Variants in CCDC40 observed in about 807,000 individuals in gnomAD.
CCDC40 encodes the protein coiled-coil domain 40 molecular ruler complex subunit, also known as coiled-coil domain-containing protein 40.
A neutral mutation model predicts 124.5 loss-of-function variants in CCDC40; 104 were observed. The observed-to-expected ratio is 0.84, with a 90% confidence interval of 0.71 to 0.98. The LOEUF (loss-of-function observed/expected upper bound fraction) is 0.98. Among genes scored for constraint, CCDC40 ranks in the 50% least tolerant of loss-of-function variants. The probability of loss-of-function intolerance (pLI) is 0.00; values close to 1 mark genes in which losing one functional copy is unlikely to be tolerated. For missense variants in CCDC40, 1,463 were observed against 1,503.9 expected (o/e 0.97, Z 0.45); for synonymous variants, 580 against 602.9 (o/e 0.96, Z 0.56).
At chr17:80,080,671 C>G (rs1159783220) in intron 10 of CCDC40, among the ~76,000 whole-genome samples, 1 of 152,196 alleles carries the variant, frequency 6.6e-6, no homozygotes, top group African/African-American at 2.4e-5. Flanking sequence ...ATGAGAACCC[C>G]TAGCCCAACG....
chr17:80,090,928 C>T (rs375127206), intron 17 of CCDC40: 3 of 582,944 alleles, frequency 5.1e-6, no homozygotes, highest in Non-Finnish European at 4.6e-6. Flanking sequence ...ACAGAAGCCA[C>T]ATGTATTTGC....
intron 17 of CCDC40, chr17:80,090,764 A>G: frequency 7.3e-7 from 1 of 1,361,726 alleles, no homozygotes; most frequent in South Asian, 1.6e-5. Flanking sequence ...GGCCTTAAGG[A>G]TAACAGTAAG....
In CCDC40 at chr17:80,067,552, C is replaced by G. The variant is rs766523401; in HGVS notation, c.1562+1946C>G. On this transcript the variant is annotated intron_variant, in intron 10 of 19. Transcript: ENST00000397545. ...AGTCAAAATATAAACACCGCTCGTT[C>G]CCGCCTTTCTACCACATGGCATTCC... 1.8e-5 allele frequency: 27 copies of G among 1,526,854 alleles called. 1 individual carries two copies. In the South Asian group the frequency reaches 3.1e-4, roughly 18 times the overall value. 94.6% of individuals were successfully genotyped at this position (1,526,854 alleles called of 1,614,324 possible). A position where few individuals can be genotyped will look rare whatever the true frequency, so the allele number is the denominator to read the frequency against.
At chr17:80,094,800 T>A (rs1598553074) in intron 17 of CCDC40, among the ~76,000 whole-genome samples, 2 of 152,112 alleles carry the variant, frequency 1.3e-5, no homozygotes, top group South Asian at 4.2e-4. Flanking sequence ...TCCAGAAAGT[T>A]CCTGTGCACC....
At chr17:80,075,030 C>T (rs2038278563) in intron 10 of CCDC40, among the ~76,000 whole-genome samples, 1 of 152,020 alleles carries the variant, frequency 6.6e-6, no homozygotes, top group African/African-American at 2.4e-5. Flanking sequence ...TCCAGTAATT[C>T]TCTTGCCTCA....
chr17:80,067,433 C>T, intron 10 of CCDC40: 1 of 686,638 alleles, frequency 1.5e-6, no homozygotes, highest in East Asian at 2.7e-5. Flanking sequence ...CGGAGTCTTC[C>T]TTCCCTCTCT....
chr17:80,039,213 A>G (rs2037207799), intron 2 of CCDC40, among the ~76,000 whole-genome samples: 1 of 151,914 alleles, frequency 6.6e-6, no homozygotes, highest in Non-Finnish European at 1.5e-5. Flanking sequence ...CTAAAAATGG[A>G]AAAATTAACT....
At chr17:80,085,028 G>A in intron 13 of CCDC40, 40 bp downstream of exon 13, 1 of 1,607,946 alleles carries the variant, frequency 6.2e-7, no homozygotes, top group Non-Finnish European at 8.5e-7. Flanking sequence ...CCGGCTGACT[G>A]TGGTGCCTGG....
At chr17:80,055,490 G>GA (rs1198660355) in intron 7 of CCDC40, among the ~76,000 whole-genome samples, 3 of 151,548 alleles carry the variant, frequency 2.0e-5, no homozygotes, top group South Asian at 2.1e-4. Flanking sequence ...GAGCCTGTCT[G>GA]AAAAAAAACA....
intron 19 of CCDC40, 115 bp from the exon 20 acceptor site, chr17:80,099,412 A>C: frequency 8.1e-7 from 1 of 1,237,090 alleles, no homozygotes; most frequent in Non-Finnish European, 1.2e-6. Flanking sequence ...GTCCCTTTTC[A>C]GGCGTAGGTC....
chr17:80,041,400 C>T (rs1192686334), intron 3 of CCDC40, among the ~76,000 whole-genome samples: 1 of 151,724 alleles, frequency 6.6e-6, no homozygotes, highest in Non-Finnish European at 1.5e-5. Flanking sequence ...CCCAGCTACT[C>T]GGGAGGCTGA....
chr17:80,040,249 T>C lies in CCDC40; in HGVS notation c.531T>C (p.Ser177=), dbSNP rs763418579. 4 of 1,613,740 alleles carry C rather than the reference T, an allele frequency of 2.5e-6. No individual in the cohort carries two copies. The highest frequency in any genetic ancestry group is 1.7e-6 in the Non-Finnish European group (2 of 1,179,960). The change falls in exon 3 of 20, where the codon TCT becomes TCC. Residue 177 remains serine, a synonymous_variant. Transcript: ENST00000397545. ...CGGAGCAAATGGGCCAGGTCACCTC[T>C]GGGCCAGCAGTGGGCAGATTGGTGA... is the stretch of plus-strand genomic sequence containing the variant. ...GPSEQMGQVT[S]GPAVGRLTGS... is the part of the protein sequence containing the mutation.
rs1262463030 is a variant in CCDC40, at chr17:80,056,004, A to ATTTTTT, written c.1160-2489_1160-2488insTTTTTT. 2.9e-3 allele frequency among the ~76,000 whole-genome samples: 24 copies of ATTTTTT among 8,374 alleles called. 1 individual carries two copies. Among genetic ancestry groups the ATTTTTT allele is most frequent in the Non-Finnish European group, 3.8e-3 (16 of 4,220 alleles). The allele number at this position is 8,374 out of a possible 152,430, so 5.5% of individuals were successfully genotyped here. A position where few individuals can be genotyped will look rare whatever the true frequency, so the allele number is the denominator to read the frequency against. On this transcript the variant is annotated intron_variant, in intron 7 of 19. Coordinates refer to ENST00000397545, the MANE Select transcript of CCDC40 (RefSeq NM_017950.4). Reference sequence around the variant, plus strand: ...TTCATATATATATATATATATATATATATATATATATATTTTTTTTTTTTT... The same window carrying ATTTTTT: ...TTCATATATATATATATATATATATATTTTTTTATATATATATATTTTTTTTTTTTT...
intron 1 of CCDC40, chr17:80,037,882 A>G: frequency 4.8e-6 from 2 of 416,008 alleles, no homozygotes; most frequent in South Asian, 4.2e-5. Flanking sequence ...TGTTCCTTCG[A>G]TGTTTTAATA....
At chr17:80,097,803 G>A (rs2038837140) in intron 19 of CCDC40, 1 of 239,124 alleles carries the variant, frequency 4.2e-6, no homozygotes, top group Non-Finnish European at 8.4e-6. Context: ...AGGAGGCTGA[G>A]GTGGGAGGAT....
At position 80,063,186 on chromosome 17, in the gene CCDC40, A is replaced by C. The variant is rs996598397; in HGVS notation, c.1441-2299A>C. On this transcript the variant is annotated intron_variant, in intron 9 of 19. Coordinates refer to ENST00000397545, the MANE Select transcript of CCDC40 (RefSeq NM_017950.4). ...CTCCAGCCTGGGTGACGAGAGTAAAAGTGTCTCAAAAAAAAAAATTAATAG... is the reference window on the plus strand; with the variant it reads ...CTCCAGCCTGGGTGACGAGAGTAAACGTGTCTCAAAAAAAAAAATTAATAG... Among the ~76,000 whole-genome samples, 49 of 149,558 alleles carry C rather than the reference A, an allele frequency of 3.3e-4. 1 individual carries two copies. Among genetic ancestry groups the C allele is most frequent in the African/African-American group, 1.1e-3 (44 of 38,990 alleles).
intron 10 of CCDC40, among the ~76,000 whole-genome samples, chr17:80,077,384 A>G (rs757739399): frequency 6.6e-6 from 1 of 152,062 alleles, no homozygotes; most frequent in Non-Finnish European, 1.5e-5. Flanking sequence ...TTAGCTGGGT[A>G]TGGTGGTGCA....
Position 80,090,004 on chromosome 17 carries a change from T to C in CCDC40, c.2832+120T>C, listed in dbSNP as rs547788395. The C allele has an allele frequency of 2.9e-4, 450 of 1,540,402 alleles. 3 individuals carry two copies. The highest frequency in any genetic ancestry group is 2.7e-3 in the South Asian group (228 of 84,496). ...TCCTGTGGGAACCACACTGGCCACA[T>C]TGGCTGGTGGCAATGGGTGAGATTT... On this transcript the variant is annotated intron_variant, in intron 17 of 19. Coordinates refer to ENST00000397545, the MANE Select transcript of CCDC40 (RefSeq NM_017950.4).
chr17:80,098,649 G>T (rs998388902), intron 19 of CCDC40, among the ~76,000 whole-genome samples: 1 of 152,200 alleles, frequency 6.6e-6, no homozygotes, highest in Non-Finnish European at 1.5e-5. Context: ...TGTCAAGAAG[G>T]TTGCCTAAGC....
Sources: allele counts gnomAD v4.1 joint callset (sites outside exome capture counted in the v4.1 genomes callset), GRCh38; gene constraint gnomAD v4.1.1; transcripts MANE v1.5; gene names NCBI Gene and HGNC (gene_info 2026-07-23, HGNC 2026-07-21).